Variants in SEC63 observed in about 807,000 individuals in gnomAD.
The protein encoded by SEC63 is SEC63 protein translocation regulator, also known as translocation protein SEC63 homolog.
In SEC63, 56 loss-of-function variants were observed where a neutral mutation model predicts 116.2. The observed-to-expected ratio is 0.48, with a 90% CI of 0.39 to 0.60. SEC63 has a LOEUF of 0.60. Ranked by LOEUF, SEC63 falls within the 20% of genes least tolerant of loss-of-function variation. The pLI, the probability that SEC63 is intolerant of heterozygous loss-of-function variation, is 0.00. For missense variants in SEC63, 668 were observed against 900.0 expected (o/e 0.74, Z 3.30); for synonymous variants, 273 against 294.6 (o/e 0.93, Z 0.75).
intron 16 of SEC63, among the ~76,000 whole-genome samples, chr6:107,893,144 ACACACACACACAGAAT>A (rs1302921767): frequency 6.9e-6 from 1 of 144,056 alleles, no homozygotes; most frequent in African/African-American, 2.9e-5. Flanking sequence ...ACACACACAC[ACACACACACACAGAAT>A]GAACTACTGC....
chr6:107,882,364 C>A (rs921759721), intron 17 of SEC63, among the ~76,000 whole-genome samples: 1 of 152,114 alleles, frequency 6.6e-6, no homozygotes, highest in Non-Finnish European at 1.5e-5. Context: ...CCTCTAAGGA[C>A]CCCATTCTTC....
At position 107,868,993 on chromosome 6, in the gene SEC63, C is replaced by T. The variant is rs1786061592; in HGVS notation, c.*2711G>A. ...GTCAAAAATAACATGCCTAGAGAGC[C>T]TCATTATATCTCTCCCTCCCTGTTT... is the stretch of plus-strand genomic sequence containing the variant. On this transcript the variant is annotated 3_prime_UTR_variant, in exon 21 of 21. Transcript: ENST00000369002. 6.6e-6 allele frequency: 1 copy of T among 152,062 alleles called. No individual in the cohort carries two copies. Among genetic ancestry groups the T allele is most frequent in the Non-Finnish European group, 1.5e-5 (1 of 68,034 alleles). The allele number at this position is 152,062 out of a possible 1,614,324, so 9.4% of individuals were successfully genotyped here.
At chr6:107,876,970 C>A in intron 18 of SEC63, 2 of 305,754 alleles carry the variant, frequency 6.5e-6, no homozygotes, top group Admixed American at 9.2e-5. Flanking sequence ...TAAATATATA[C>A]AACTATTACA....
At position 107,870,573 on chromosome 6, in the gene SEC63, T is replaced by C. The variant is rs1349443064; in HGVS notation, c.*1131A>G. 1 of 152,260 alleles carries C rather than the reference T, an allele frequency of 6.6e-6. No homozygotes were observed. The highest frequency in any genetic ancestry group is 2.4e-5 in the African/African-American group (1 of 41,442). 9.4% of individuals were successfully genotyped at this position (152,260 alleles called of 1,614,324 possible). ...TCATCATGTACACATCTCTACTCTT[T>C]ACAAGCACTATCCTTCCAGTTGTAC... On this transcript the variant is annotated 3_prime_UTR_variant, in exon 21 of 21. Coordinates refer to ENST00000369002, the MANE Select transcript of SEC63 (RefSeq NM_007214.5).
intron 13 of SEC63, 127 bp downstream of exon 13, chr6:107,901,243 A>G: frequency 1.1e-6 from 1 of 927,158 alleles, no homozygotes; most frequent in East Asian, 2.5e-5. Context: ...CAGGTAAACT[A>G]CAGTTCTGCA....
intron 1 of SEC63, among the ~76,000 whole-genome samples, chr6:107,933,834 C>T (rs1160440899): frequency 6.6e-6 from 1 of 152,148 alleles, no homozygotes; most frequent in Non-Finnish European, 1.5e-5. Flanking sequence ...GATTCTCCTG[C>T]CTCAGCCTGC....
At chr6:107,874,981 AGTATAATCATT>A (rs1402444574) in intron 19 of SEC63, among the ~76,000 whole-genome samples, 1 of 152,204 alleles carries the variant, frequency 6.6e-6, no homozygotes, top group African/African-American at 2.4e-5. Context: ...AAATTTCCTG[AGTATAATCATT>A]GTAGTAGGCC....
chr6:107,906,364 A>G, intron 10 of SEC63, 84 bp downstream of exon 10: 2 of 1,442,958 alleles, frequency 1.4e-6, no homozygotes, highest in Middle Eastern at 3.5e-4. Flanking sequence ...CAATGCGAGA[A>G]CAAACTAATA....
intron 14 of SEC63, among the ~76,000 whole-genome samples, chr6:107,895,277 C>A (rs1383462743): frequency 1.3e-5 from 2 of 152,196 alleles, no homozygotes; most frequent in African/African-American, 2.4e-5. Context: ...GATTTGGATT[C>A]TAAACCCAAT....
chr6:107,953,879 C>T (rs1421914561), intron 1 of SEC63, among the ~76,000 whole-genome samples: 1 of 151,440 alleles, frequency 6.6e-6, no homozygotes, highest in Non-Finnish European at 1.5e-5. Flanking sequence ...GCCGCCCGGT[C>T]CGGGAGGTGA....
Position 107,871,293 on chromosome 6 carries a change from G to T in SEC63, c.*411C>A, listed in dbSNP as rs140498555. ...TGAGCGATGTTACTTAAACTTGAGC[G>T]ATGTTACTTAAAACATATTTGTGGT... On this transcript the variant is annotated 3_prime_UTR_variant, in exon 21 of 21. Coordinates refer to ENST00000369002, the MANE Select transcript of SEC63 (RefSeq NM_007214.5). 1 of 185,862 alleles carries T rather than the reference G, an allele frequency of 5.4e-6. No homozygotes were observed. Among genetic ancestry groups the T allele is most frequent in the Admixed American group, 5.5e-5 (1 of 18,274 alleles). The allele number at this position is 185,862 out of a possible 1,614,324, so 11.5% of individuals were successfully genotyped here.
At position 107,913,351 on chromosome 6, in the gene SEC63, C is replaced by A; in HGVS notation, c.514+15G>T. On this transcript the variant is annotated intron_variant, in intron 5 of 20. Transcript: ENST00000369002. ...TACCATATCGCCAATATTTTAAAAT[C>A]ATCATTTACCACACCTTGAGGCCCA... 1 of 1,522,298 alleles carries A rather than the reference C, an allele frequency of 6.6e-7. No homozygotes were observed. Among genetic ancestry groups the A allele is most frequent in the East Asian group, 2.3e-5 (1 of 44,416 alleles). The allele number at this position is 1,522,298 out of a possible 1,614,324, so 94.3% of individuals were successfully genotyped here. A position where few individuals can be genotyped will look rare whatever the true frequency, so the allele number is the denominator to read the frequency against.
intron 1 of SEC63, among the ~76,000 whole-genome samples, chr6:107,933,644 G>C (rs1193141813): frequency 6.6e-6 from 1 of 152,098 alleles, no homozygotes; most frequent in Non-Finnish European, 1.5e-5. Context: ...GACTAAAGGA[G>C]ACTAAAGAAA....
At chr6:107,955,827 G>A (rs984345004) in intron 1 of SEC63, 3 of 173,180 alleles carry the variant, frequency 1.7e-5, no homozygotes, top group African/African-American at 7.2e-5. Flanking sequence ...AGGCTGCAAT[G>A]AGTCAAGATC....
intron 18 of SEC63, chr6:107,880,844 G>C (rs1222318933): frequency 1.2e-5 from 3 of 253,220 alleles, no homozygotes; most frequent in East Asian, 1.6e-4. Flanking sequence ...GTCTGATGAA[G>C]ACTGCCTAAT....
intron 19 of SEC63, among the ~76,000 whole-genome samples, chr6:107,874,452 TG>T (rs1786207985): frequency 6.6e-6 from 1 of 151,606 alleles, no homozygotes; most frequent in African/African-American, 2.4e-5. Flanking sequence ...AAAAATTAGC[TG>T]GGTGCAGTGG....
At chr6:107,908,838 C>T (rs1787212357) in intron 8 of SEC63, 89 bp downstream of exon 8, 1 of 738,502 alleles carries the variant, frequency 1.4e-6, no homozygotes, top group Non-Finnish European at 2.4e-6. Flanking sequence ...AATAGAATCT[C>T]AACAGTATAG....
rs567379991 is a variant in SEC63 at position 107,917,426 on chromosome 6, C to T, written c.453-3999G>A. 7.9e-5 allele frequency among the ~76,000 whole-genome samples: 12 copies of T among 151,902 alleles called. 1 individual carries two copies. The highest frequency in any genetic ancestry group is 2.7e-4 in the African/African-American group (11 of 41,420). The stretch of plus-strand genomic sequence containing the variant: ...GCCGCTGGGTTAGGGTCTCCCTGAC[C>T]GAGCTGGTCTCGGCGGGCCTCTAAA... On this transcript the variant is annotated intron_variant, in intron 4 of 20. Coordinates refer to ENST00000369002, the MANE Select transcript of SEC63 (RefSeq NM_007214.5).
chr6:107,952,001 G>T (rs1770589138), intron 1 of SEC63, among the ~76,000 whole-genome samples: 1 of 151,522 alleles, frequency 6.6e-6, no homozygotes, highest in Non-Finnish European at 1.5e-5. Context: ...TTCCCGAAGT[G>T]ATTCTAATGT....
Sources: allele counts gnomAD v4.1 joint callset (sites outside exome capture counted in the v4.1 genomes callset), GRCh38; gene constraint gnomAD v4.1.1; transcripts MANE v1.5; gene names NCBI Gene and HGNC (gene_info 2026-07-23, HGNC 2026-07-21).